Variants in ZNF83 observed in about 807,000 individuals in gnomAD.
ZNF83 encodes the protein zinc finger protein 816B.
For synonymous variants in ZNF83, 209 were observed against 213.0 expected (o/e 0.98, Z 0.17); for missense variants, 552 against 629.9 (o/e 0.88, Z 1.32).
chr19:52,630,545 T>C (rs925956820), intron 2 of ZNF83, among the ~76,000 whole-genome samples: 9 of 152,132 alleles, frequency 5.9e-5, no homozygotes, highest in Admixed American at 2.0e-4. Context: ...TGAGATATTT[T>C]AACCAAATTA....
At chr19:52,669,391 A>G (rs1488746052) in intron 1 of ZNF83, among the ~76,000 whole-genome samples, 2 of 152,224 alleles carry the variant, frequency 1.3e-5, no homozygotes, top group Non-Finnish European at 2.9e-5. Context: ...TGTAAACTGG[A>G]TAAACTAATC....
At chr19:52,631,381 T>A (rs922439860) in intron 2 of ZNF83, among the ~76,000 whole-genome samples, 1 of 152,174 alleles carries the variant, frequency 6.6e-6, no homozygotes, top group African/African-American at 2.4e-5. Flanking sequence ...TCCAAACAAC[T>A]TGACCTTACT....
chr19:52,659,335 G>T (rs1180434593), intron 2 of ZNF83, among the ~76,000 whole-genome samples: 1 of 152,028 alleles, frequency 6.6e-6, no homozygotes, highest in Admixed American at 6.6e-5. Flanking sequence ...TAAGTCATTG[G>T]TGCCCACTCG....
exon 3 of ZNF83, chr19:52,655,589 C>T: frequency 6.6e-7 from 1 of 1,504,182 alleles, no homozygotes; most frequent in African/African-American, 1.4e-5. Flanking sequence ...TGTAGTTCTC[C>T]AACATCACGG....
chr19:52,689,245 G>A (rs575297581), intron 1 of ZNF83, among the ~76,000 whole-genome samples: 20 of 152,288 alleles, frequency 1.3e-4, no homozygotes, highest in South Asian at 8.3e-4. Flanking sequence ...CACTGAGCCA[G>A]TGCGTACCTA....
chr19:52,628,155 A>G (rs2060813032), intron 2 of ZNF83, among the ~76,000 whole-genome samples: 1 of 152,060 alleles, frequency 6.6e-6, no homozygotes, highest in Non-Finnish European at 1.5e-5. Flanking sequence ...TGCTCACACA[A>G]AGCCTGTTTG....
chr19:52,687,508 A>T (rs372404689), intron 1 of ZNF83, among the ~76,000 whole-genome samples: 9 of 71,226 alleles, frequency 1.3e-4, no homozygotes, highest in African/African-American at 5.3e-4. Context: ...AGATATATAA[A>T]TTATATATAA....
chr19:52,642,460 G>T (rs554414794), upstream of ZNF83, among the ~76,000 whole-genome samples: 6 of 151,672 alleles, frequency 4.0e-5, no homozygotes, highest in Admixed American at 2.0e-4. Flanking sequence ...TAAAGACCGG[G>T]TATCTCCATG....
upstream of ZNF83, chr19:52,638,394 G>C (rs2061228414): frequency 6.6e-6 from 1 of 152,182 alleles, no homozygotes. Flanking sequence ...CCAGGTCTGG[G>C]CGGGGCCCGC....
chr19:52,613,007 T>C (rs1169416430), exon 3 of ZNF83: 5 of 1,575,280 alleles, frequency 3.2e-6, no homozygotes, highest in African/African-American at 1.3e-5. Flanking sequence ...CTGAACACTC[T>C]GCCACATTAA....
chr19:52,625,214 C>T (rs1036195574), intron 2 of ZNF83, among the ~76,000 whole-genome samples: 1 of 152,108 alleles, frequency 6.6e-6, no homozygotes, highest in African/African-American at 2.4e-5. Flanking sequence ...GAACTCATTG[C>T]CTAAACTCAG....
At chr19:52,674,766 C>T (rs2061775823) in intron 1 of ZNF83, among the ~76,000 whole-genome samples, 1 of 152,146 alleles carries the variant, frequency 6.6e-6, no homozygotes, top group Non-Finnish European at 1.5e-5. Context: ...TGATTAAAAA[C>T]ATAGAGATAC....
intron 2 of ZNF83, chr19:52,618,850 C>G (rs1355406304): frequency 5.3e-6 from 8 of 1,507,020 alleles, no homozygotes; most frequent in Non-Finnish European, 7.2e-6. Context: ...TTTAGTCAAG[C>G]AAGGATGCAA....
intron 1 of ZNF83, among the ~76,000 whole-genome samples, chr19:52,661,110 AC>A (rs1219825728): frequency 6.6e-6 from 1 of 151,938 alleles, no homozygotes; most frequent in Non-Finnish European, 1.5e-5. Flanking sequence ...AGATCTGCCC[AC>A]CTCAGCCTCC....
intron 2 of ZNF83, among the ~76,000 whole-genome samples, chr19:52,622,235 C>T (rs1157622023): frequency 1.3e-5 from 2 of 152,170 alleles, no homozygotes; most frequent in African/African-American, 4.8e-5. Context: ...GAGCTGAGGG[C>T]ATCGGCAGAG....
intron 1 of ZNF83, among the ~76,000 whole-genome samples, chr19:52,679,661 C>T (rs1259772652): frequency 6.6e-6 from 1 of 152,094 alleles, no homozygotes. Context: ...ACTTATCAGT[C>T]AGTGTGATGC....
chr19:52,688,437 G>A (rs1568589753), intron 1 of ZNF83, among the ~76,000 whole-genome samples: 1 of 151,480 alleles, frequency 6.6e-6, no homozygotes, highest in South Asian at 2.1e-4. Flanking sequence ...GTCTTCTAAA[G>A]TTCTGGGATT....
intron 1 of ZNF83, among the ~76,000 whole-genome samples, chr19:52,688,464 G>T (rs1026133686): frequency 1.3e-5 from 2 of 151,566 alleles, no homozygotes; most frequent in African/African-American, 4.9e-5. Context: ...ATGAACCACT[G>T]TACCCAGCCT....
chr19:52,619,040 A>G (rs748805844), intron 2 of ZNF83: 6 of 1,611,124 alleles, frequency 3.7e-6, no homozygotes, highest in Admixed American at 3.3e-5. Flanking sequence ...TTCTATGGCC[A>G]CATCCCTGAA....
Sources: gnomAD v4.1 joint callset for allele counts (sites outside exome capture counted in the v4.1 genomes callset) on GRCh38, gnomAD v4.1.1 for gene constraint, MANE v1.5 for transcripts, NCBI Gene and HGNC (gene_info 2026-07-23, HGNC 2026-07-21) for gene names.